GRM7: variants seen among roughly 807,000 people sequenced by gnomAD.
GRM7 encodes metabotropic glutamate receptor 7.
In GRM7, 35 loss-of-function variants were observed where a neutral mutation model predicts 84.5. That is an observed-to-expected ratio of 0.41 (90% CI 0.32 to 0.55). The LOEUF is 0.55. GRM7 is among the 20% of genes least tolerant of loss of function. The pLI is 0.19. For missense variants in GRM7, 1,003 were observed against 1,194.6 expected (o/e 0.84, Z 2.36); for synonymous variants, 487 against 455.1 (o/e 1.07, Z -0.89).
chr3:7,613,960 A>AT (rs931659766), intron 8 of GRM7, among the ~76,000 whole-genome samples: 19 of 152,232 alleles, frequency 1.2e-4, no homozygotes, highest in Admixed American at 1.2e-3. Flanking sequence ...CAGTCATTGG[A>AT]TTTTTTAAAA....
At chr3:7,044,327 A>G (rs1459657072) in intron 1 of GRM7, among the ~76,000 whole-genome samples, 1 of 152,194 alleles carries the variant, frequency 6.6e-6, no homozygotes, top group East Asian at 1.9e-4. Flanking sequence ...GATATTGAGA[A>G]ATGCTTTGTG....
At chr3:7,105,220 A>T (rs951091522) in intron 1 of GRM7, among the ~76,000 whole-genome samples, 1 of 151,828 alleles carries the variant, frequency 6.6e-6, no homozygotes, top group African/African-American at 2.4e-5. Context: ...GAAAGTGAAG[A>T]CTTTTCCTGT....
At chr3:7,725,734 T>G (rs1040980949) in intron 9 of GRM7, among the ~76,000 whole-genome samples, 1 of 152,206 alleles carries the variant, frequency 6.6e-6, no homozygotes, top group African/African-American at 2.4e-5. Context: ...ATGCATGACT[T>G]AGTCCAGATT....
At chr3:7,130,310 G>A (rs1485242002) in intron 1 of GRM7, among the ~76,000 whole-genome samples, 1 of 152,156 alleles carries the variant, frequency 6.6e-6, no homozygotes, top group African/African-American at 2.4e-5. Flanking sequence ...TTGGGAGACC[G>A]AGGTGGGCGA....
intron 2 of GRM7, among the ~76,000 whole-genome samples, chr3:7,223,516 G>T (rs1242931899): frequency 6.0e-5 from 2 of 33,516 alleles, no homozygotes; most frequent in Non-Finnish European, 9.0e-5. Flanking sequence ...TGCCTAAAGA[G>T]TTCTTTATCA....
At chr3:7,198,536 C>T (rs770577658) in intron 2 of GRM7, among the ~76,000 whole-genome samples, 5 of 152,126 alleles carry the variant, frequency 3.3e-5, no homozygotes, top group Non-Finnish European at 5.9e-5. Context: ...CTGAAAATAT[C>T]TTAAGTCAAA....
Position 7,093,943 on chromosome 3 carries a change from C to T in GRM7, c.520-52509C>T, listed in dbSNP as rs147860872. Among the ~76,000 whole-genome samples the T allele has an allele frequency of 3.2e-4, 49 of 152,150 alleles. No individual in the cohort carries two copies. In the East Asian group the frequency reaches 7.2e-3, roughly 22 times the overall value. On this transcript the variant is annotated intron_variant, in intron 1 of 9. Coordinates refer to ENST00000357716, the MANE Select transcript of GRM7 (RefSeq NM_000844.4). ...AAACTCTATTTATGGGATTAAATTG[C>T]ATATGTATTTTTCTTGCTATAAACT...
Position 6,983,185 on chromosome 3 carries a change from A to C in GRM7, c.519+121278A>C, listed in dbSNP as rs184155414. Among the ~76,000 whole-genome samples the C allele has an allele frequency of 3.3e-5, 5 of 152,358 alleles. No individual in the cohort carries two copies. In the East Asian group the frequency reaches 9.6e-4, roughly 29 times the overall value. ...GCAACATAGGCTGGAAAATTTAGGC[A>C]CAACCACAAACTACTAAAAGGCCAC... On this transcript the variant is annotated intron_variant, in intron 1 of 9. Transcript: ENST00000357716.
At chr3:7,728,054 C>T (rs1182568675) in intron 9 of GRM7, among the ~76,000 whole-genome samples, 1 of 152,168 alleles carries the variant, frequency 6.6e-6, no homozygotes, top group Non-Finnish European at 1.5e-5. Flanking sequence ...CCTCTTGGTC[C>T]TCTGAGATCC....
intron 1 of GRM7, among the ~76,000 whole-genome samples, chr3:6,901,967 T>G (rs1696402956): frequency 6.6e-6 from 1 of 152,154 alleles, no homozygotes; most frequent in Admixed American, 6.5e-5. Context: ...TAAGAACTTG[T>G]CTGTCTTAAG....
At chr3:7,071,268 A>T (rs1697871881) in intron 1 of GRM7, among the ~76,000 whole-genome samples, 1 of 152,102 alleles carries the variant, frequency 6.6e-6, no homozygotes, top group Admixed American at 6.6e-5. Context: ...GAAAGAGTTG[A>T]TGGGAATGAA....
At chr3:7,608,389 A>AT (rs1444304541) in intron 8 of GRM7, among the ~76,000 whole-genome samples, 2 of 151,984 alleles carry the variant, frequency 1.3e-5, no homozygotes, top group African/African-American at 4.8e-5. Flanking sequence ...AGCATCTGTT[A>AT]TTTTTTGACT....
At chr3:6,988,274 G>A (rs1694503625) in intron 1 of GRM7, among the ~76,000 whole-genome samples, 1 of 148,912 alleles carries the variant, frequency 6.7e-6, no homozygotes. Flanking sequence ...CTCCCAAAGT[G>A]CTGGGATTAC....
intron 1 of GRM7, among the ~76,000 whole-genome samples, chr3:7,069,122 A>C (rs1163007036): frequency 6.6e-6 from 1 of 151,832 alleles, no homozygotes; most frequent in South Asian, 2.1e-4. Flanking sequence ...CATAGTCAAA[A>C]AGGATAATTA....
chr3:6,948,943 G>C (rs775838906), intron 1 of GRM7, among the ~76,000 whole-genome samples: 1 of 152,122 alleles, frequency 6.6e-6, no homozygotes, highest in African/African-American at 2.4e-5. Context: ...TTGAGCTTAT[G>C]TGTGTCTCTG....
chr3:7,112,510 C>T (rs1037694335), intron 1 of GRM7, among the ~76,000 whole-genome samples: 2 of 152,188 alleles, frequency 1.3e-5, no homozygotes, highest in African/African-American at 4.8e-5. Context: ...AGGCATGAGC[C>T]ACTGCACCTG....
intron 9 of GRM7, among the ~76,000 whole-genome samples, chr3:7,737,800 A>G (rs1702552846): frequency 6.6e-6 from 1 of 151,928 alleles, no homozygotes. Context: ...TATTTTGTAC[A>G]TTGGTGATAT....
chr3:6,975,504 C>A (rs1044526895), intron 1 of GRM7, among the ~76,000 whole-genome samples: 1 of 152,146 alleles, frequency 6.6e-6, no homozygotes, highest in Non-Finnish European at 1.5e-5. Context: ...AAAATCAGGG[C>A]ATGCACATTT....
intron 2 of GRM7, among the ~76,000 whole-genome samples, chr3:7,282,550 C>G (rs528637530): frequency 6.6e-6 from 1 of 152,270 alleles, no homozygotes; most frequent in African/African-American, 2.4e-5. Flanking sequence ...GATTAGCAAC[C>G]TTAATTTCAT....
Sources: allele counts gnomAD v4.1 joint callset (sites outside exome capture counted in the v4.1 genomes callset), GRCh38; gene constraint gnomAD v4.1.1; transcripts MANE v1.5; gene names NCBI Gene and HGNC (gene_info 2026-07-23, HGNC 2026-07-21).